PAMR1: variants seen among roughly 807,000 people sequenced by gnomAD.
PAMR1 encodes the protein inactive serine protease PAMR1.
In PAMR1, 88 loss-of-function variants were observed where a neutral mutation model predicts 81.8. The ratio of observed to expected loss-of-function variants is 1.08; its 90% CI spans 0.91 to 1.28. The LOEUF (loss-of-function observed/expected upper bound fraction) is 1.28, where lower values mean the gene tolerates loss of function less well. Ranked by LOEUF, PAMR1 falls within the 50% of genes most tolerant of loss-of-function variation. The pLI is 0.00. For missense variants in PAMR1, 935 were observed against 919.7 expected (o/e 1.02, Z -0.21); for synonymous variants, 336 against 345.3 (o/e 0.97, Z 0.30).
chr11:35,502,950 T>C (rs1230985509), intron 1 of PAMR1, among the ~76,000 whole-genome samples: 2 of 152,014 alleles, frequency 1.3e-5, no homozygotes, highest in Non-Finnish European at 2.9e-5. Flanking sequence ...CCCCAATGTT[T>C]ACTTTTAGTA....
At chr11:35,499,702 G>A (rs1189430730) in intron 1 of PAMR1, among the ~76,000 whole-genome samples, 1 of 152,010 alleles carries the variant, frequency 6.6e-6, no homozygotes, top group Admixed American at 6.5e-5. Context: ...TTACTCTATA[G>A]ATAAGATCCA....
intron 1 of PAMR1, among the ~76,000 whole-genome samples, chr11:35,495,319 C>G (rs1342289169): frequency 6.6e-6 from 1 of 151,124 alleles, no homozygotes; most frequent in Non-Finnish European, 1.5e-5. Context: ...CCAAGTGCAA[C>G]TGAGTGTTCT....
chr11:35,512,383 T>C (rs1851089476), intron 1 of PAMR1, among the ~76,000 whole-genome samples: 1 of 152,140 alleles, frequency 6.6e-6, no homozygotes, highest in African/African-American at 2.4e-5. Context: ...ACAGGGTAAA[T>C]AAATTGCCCC....
upstream of PAMR1, among the ~76,000 whole-genome samples, chr11:35,526,817 C>T (rs1346716635): frequency 1.3e-5 from 2 of 152,182 alleles, no homozygotes; most frequent in Admixed American, 1.3e-4. Flanking sequence ...ATAAACCCCA[C>T]GTGTCATGGG....
At chr11:35,436,306 G>T (rs1050980080) in intron 8 of PAMR1, 171 bp from the exon 9 acceptor site, 1 of 589,432 alleles carries the variant, frequency 1.7e-6, no homozygotes, top group African/African-American at 1.9e-5. Flanking sequence ...TTGAGGCAGG[G>T]TCTCCCTCTG....
intron 3 of PAMR1, among the ~76,000 whole-genome samples, chr11:35,486,302 G>A (rs1484683068): frequency 6.6e-6 from 1 of 152,124 alleles, no homozygotes; most frequent in African/African-American, 2.4e-5. Context: ...AACACAGATC[G>A]GATAGAATCT....
chr11:35,470,650 A>T lies in PAMR1; in HGVS notation c.663T>A (p.Asp221Glu), dbSNP rs763751756. 4 of 1,614,214 alleles carry T rather than the reference A, an allele frequency of 2.5e-6. No homozygotes were observed. The highest frequency in any genetic ancestry group is 1.6e-4 in the Middle Eastern group (1 of 6,062). ...GSSLHVLFHSDGSKNFDGFHA... is the reference protein window; with the variant it reads ...GSSLHVLFHSEGSKNFDGFHA... ...GGAAACCGTCAAAATTCTTGGAGCC[A>T]TCGGAGTGGAAGAGGACGTGGAGTG... is the stretch of plus-strand genomic sequence containing the variant. The change falls in exon 5 of 11, where the codon GAT becomes GAA. Residue 221 changes from aspartate to glutamate, a missense_variant. By Grantham distance (45) the Asp-to-Glu change is conservative. Coordinates refer to ENST00000619888, the MANE Select transcript of PAMR1 (RefSeq NM_001001991.3).
At chr11:35,441,395 AG>A in intron 7 of PAMR1, 85 bp downstream of exon 7, 1 of 918,174 alleles carries the variant, frequency 1.1e-6, no homozygotes, top group Admixed American at 2.1e-5. Context: ...GCATTTTTCC[AG>A]GGGCTTAAAA....
At chr11:35,521,993 G>A (rs951635766) in intron 1 of PAMR1, among the ~76,000 whole-genome samples, 3 of 151,856 alleles carry the variant, frequency 2.0e-5, no homozygotes, top group Non-Finnish European at 1.5e-5. Context: ...CGCGATCTTG[G>A]CTCCCTGCAA....
In PAMR1 at chr11:35,486,638, C is replaced by G. The variant is rs115346031; in HGVS notation, c.379+5407G>C. Among the ~76,000 whole-genome samples the G allele has an allele frequency of 5.0e-3, 760 of 152,342 alleles. 2 individuals carry two copies. Among genetic ancestry groups the G allele is most frequent in the African/African-American group, 0.017 (708 of 41,572 alleles). ...AGCCCAATCAATGAGGCTCCATAAA[C>G]AGCGTCTTACACCAAGGTGCAACCC... On this transcript the variant is annotated intron_variant, in intron 3 of 10. Coordinates refer to ENST00000619888, the MANE Select transcript of PAMR1 (RefSeq NM_001001991.3).
chr11:35,477,249 C>T (rs1850301132), intron 3 of PAMR1, among the ~76,000 whole-genome samples: 1 of 152,116 alleles, frequency 6.6e-6, no homozygotes, highest in Non-Finnish European at 1.5e-5. Flanking sequence ...TAGAATGGTA[C>T]CTGGCATATA....
At chr11:35,447,402 C>A (rs965328124) in intron 6 of PAMR1, among the ~76,000 whole-genome samples, 1 of 152,050 alleles carries the variant, frequency 6.6e-6, no homozygotes, top group African/African-American at 2.4e-5. Context: ...GACAGGGTTT[C>A]GCCATGTTAG....
At chr11:35,448,573 T>G (rs918474349) in intron 6 of PAMR1, among the ~76,000 whole-genome samples, 6 of 152,236 alleles carry the variant, frequency 3.9e-5, no homozygotes, top group Non-Finnish European at 5.9e-5. Context: ...TTCTTTGCAT[T>G]GGGTTAGAAC....
intron 1 of PAMR1, among the ~76,000 whole-genome samples, chr11:35,498,283 T>C (rs1850765029): frequency 6.6e-6 from 1 of 152,154 alleles, no homozygotes; most frequent in South Asian, 2.1e-4. Flanking sequence ...AGAGAACAAA[T>C]TGGTTAGAGG....
intron 6 of PAMR1, among the ~76,000 whole-genome samples, chr11:35,442,053 A>G (rs1392943119): frequency 1.3e-5 from 2 of 152,204 alleles, no homozygotes; most frequent in Non-Finnish European, 2.9e-5. Flanking sequence ...ATTGTTTTTC[A>G]GTGTTGTTGT....
intron 6 of PAMR1, among the ~76,000 whole-genome samples, chr11:35,448,341 A>AT (rs141017033): frequency 0.011 from 1,613 of 144,168 alleles, 15 homozygotes; most frequent in Non-Finnish European, 0.016. Context: ...ATTCCTTTTC[A>AT]TTTTTTTTTT....
chr11:35,525,670 A>G, upstream of PAMR1: 1 of 1,148,402 alleles, frequency 8.7e-7, no homozygotes, highest in African/African-American at 1.5e-5. Flanking sequence ...TTTTACAGGG[A>G]CCTCCCCGAG....
chr11:35,488,306 C>G (rs1850549858), intron 3 of PAMR1, among the ~76,000 whole-genome samples: 1 of 148,224 alleles, frequency 6.7e-6, no homozygotes, highest in South Asian at 2.2e-4. Flanking sequence ...GCTTCAAAAT[C>G]CTTGGCTGCA....
At chr11:35,485,709 T>C (rs1194840776) in intron 3 of PAMR1, among the ~76,000 whole-genome samples, 1 of 152,230 alleles carries the variant, frequency 6.6e-6, no homozygotes, top group Admixed American at 6.5e-5. Context: ...CAGTGCCAGA[T>C]GCTCTCTAAC....
Sources: allele counts gnomAD v4.1 joint callset (sites outside exome capture counted in the v4.1 genomes callset), GRCh38; gene constraint gnomAD v4.1.1; transcripts MANE v1.5; gene names NCBI Gene and HGNC (gene_info 2026-07-23, HGNC 2026-07-21).